Variants in ARHGAP21 observed in about 807,000 individuals in gnomAD.
ARHGAP21 encodes rho GTPase-activating protein 21.
ARHGAP21 carries 38 observed loss-of-function variants against 164.6 expected under a neutral mutation model. The ratio of observed to expected loss-of-function variants is 0.23; its 90% CI spans 0.18 to 0.30. The LOEUF is 0.30. ARHGAP21 is among the 10% of genes least tolerant of loss of function. The pLI, the probability that ARHGAP21 is intolerant of heterozygous loss-of-function variation, is 1.00. For missense variants in ARHGAP21, 1,822 were observed against 2,370.7 expected, an observed-to-expected ratio of 0.77 and a Z score of 4.81; for synonymous variants, 766 against 857.9, an observed-to-expected ratio of 0.89 and a Z score of 1.87.
chr10:24,695,047 T>G (rs1245957196), intron 2 of ARHGAP21, among the ~76,000 whole-genome samples: 1 of 31,932 alleles, frequency 3.1e-5, no homozygotes, highest in African/African-American at 1.3e-4. Flanking sequence ...CAAAATTCCA[T>G]CTCAAAAAAA....
chr10:24,591,404 T>TAA (rs1485825966), intron 23 of ARHGAP21, 74 bp from the exon 24 acceptor site: 1 of 1,350,902 alleles, frequency 7.4e-7, no homozygotes, highest in Non-Finnish European at 1.0e-6. Context: ...CAACATTTAG[T>TAA]AAAAGACACA....
intron 2 of ARHGAP21, among the ~76,000 whole-genome samples, chr10:24,691,008 T>C (rs1212924715): frequency 2.0e-5 from 3 of 152,014 alleles, no homozygotes; most frequent in Non-Finnish European, 4.4e-5. Flanking sequence ...AGCTCTCATA[T>C]AAAATTACAA....
rs1217500262 is a variant in ARHGAP21, at chr10:24,662,399, A to G, written c.268+4586T>C. 2.0e-5 allele frequency among the ~76,000 whole-genome samples: 3 copies of G among 152,360 alleles called. No individual in the cohort carries two copies. The East Asian group carries it at 5.8e-4, about 29-fold the overall frequency. ...AATCCAGTTACTACCACTTACTAGC[A>G]GTGTGACTGTGGGCAAGCTATTTCT... On this transcript the variant is annotated intron_variant, in intron 4 of 25. Transcript: ENST00000396432.
chr10:24,620,225 T>G lies in ARHGAP21; in HGVS notation c.1670A>C (p.Asn557Thr). 6.2e-7 allele frequency: 1 copy of G among 1,613,960 alleles called. No homozygotes were observed. The highest frequency in any genetic ancestry group is 1.1e-5 in the South Asian group (1 of 91,058). ...QEIHKSFRGS[N>T]FTVAPSVVNS... ...AACAACGCTTGGAGCCACAGTAAAA[T>G]TGGAACCTCGAAAAGATTTATGAAT... The change falls in exon 9 of 26, where the codon AAT (asparagine) becomes ACT (threonine). Residue 557 changes from asparagine to threonine, a missense_variant. Physicochemically the swap from Asn to Thr is moderately conservative, Grantham distance 65 (BLOSUM62 0). This residue lies in a region of ARHGAP21 where 1,090 missense variants were observed against 1,378.9 expected (regional missense o/e 0.79). Transcript: ENST00000396432.
intron 1 of ARHGAP21, among the ~76,000 whole-genome samples, chr10:24,722,992 G>A (rs1383078533): frequency 6.6e-6 from 1 of 151,928 alleles, no homozygotes; most frequent in East Asian, 1.9e-4. Flanking sequence ...TGGCCACCTA[G>A]GGGGAAAAAA....
At chr10:24,605,196 G>T (rs1473737964) in intron 11 of ARHGAP21, among the ~76,000 whole-genome samples, 1 of 152,168 alleles carries the variant, frequency 6.6e-6, no homozygotes, top group Non-Finnish European at 1.5e-5. Context: ...GATACGGGAA[G>T]AAAGAACAGG....
intron 17 of ARHGAP21, chr10:24,596,278 C>A: frequency 2.2e-6 from 1 of 444,840 alleles, no homozygotes. Flanking sequence ...AGATAACATT[C>A]TAAAAAGGAA....
chr10:24,684,305 A>G (rs940048878), intron 2 of ARHGAP21, among the ~76,000 whole-genome samples: 2 of 152,074 alleles, frequency 1.3e-5, no homozygotes, highest in African/African-American at 4.8e-5. Flanking sequence ...AAAAAAACCC[A>G]GCAAAAAAAC....
Position 24,590,442 on chromosome 10 carries a change from T to C in ARHGAP21, c.4150+783A>G, listed in dbSNP as rs908309064. 7 of 1,535,248 alleles carry C rather than the reference T, an allele frequency of 4.6e-6. No individual in the cohort carries two copies. The East Asian group carries it at 9.8e-5, about 21-fold the overall frequency. On this transcript the variant is annotated intron_variant, in intron 24 of 25. Coordinates refer to ENST00000396432, the MANE Select transcript of ARHGAP21 (RefSeq NM_020824.4). ...CCATCAGGGACATCACAGAATCCAC[T>C]AGTGACATTACCGTGTGATAGACTC...
At chr10:24,678,024 G>A (rs1349112041) in intron 2 of ARHGAP21, among the ~76,000 whole-genome samples, 1 of 151,992 alleles carries the variant, frequency 6.6e-6, no homozygotes, top group Non-Finnish European at 1.5e-5. Flanking sequence ...CACTTAGGGA[G>A]GCAGAGGTGG....
At chr10:24,630,634 G>C (rs1051914222) in intron 6 of ARHGAP21, among the ~76,000 whole-genome samples, 1 of 152,088 alleles carries the variant, frequency 6.6e-6, no homozygotes. Flanking sequence ...TGGGACTACA[G>C]GGCATGTGCC....
At chr10:24,622,851 T>C in intron 7 of ARHGAP21, 89 bp from the exon 8 acceptor site, 1 of 1,287,234 alleles carries the variant, frequency 7.8e-7, no homozygotes, top group South Asian at 1.3e-5. Flanking sequence ...AACGGCAAGC[T>C]AAAAATACAT....
chr10:24,655,043 G>T (rs1026202494), intron 4 of ARHGAP21, among the ~76,000 whole-genome samples: 1 of 152,162 alleles, frequency 6.6e-6, no homozygotes, highest in Non-Finnish European at 1.5e-5. Context: ...TTAATAAAAG[G>T]TGCTGGGAAA....
intron 2 of ARHGAP21, among the ~76,000 whole-genome samples, chr10:24,671,424 G>A (rs945477938): frequency 7.2e-5 from 11 of 151,956 alleles, no homozygotes; most frequent in African/African-American, 2.7e-4. Flanking sequence ...AGATGGTCCT[G>A]CTTTCTATTA....
intron 21 of ARHGAP21, 78 bp from the exon 22 acceptor site, chr10:24,592,090 T>A (rs1592934203): frequency 2.3e-6 from 3 of 1,307,782 alleles, no homozygotes; most frequent in Middle Eastern, 4.0e-4. Flanking sequence ...GTAGGATTTT[T>A]GATGAAAAAG....
At chr10:24,624,541 T>C (rs1394893211) in intron 7 of ARHGAP21, among the ~76,000 whole-genome samples, 1 of 151,928 alleles carries the variant, frequency 6.6e-6, no homozygotes, top group Non-Finnish European at 1.5e-5. Context: ...GGTTTCACTA[T>C]GTTCGCCAGG....
chr10:24,695,887 T>G (rs1213167686), intron 2 of ARHGAP21, among the ~76,000 whole-genome samples: 1 of 152,198 alleles, frequency 6.6e-6, no homozygotes, highest in Non-Finnish European at 1.5e-5. Flanking sequence ...TCAAGATGAC[T>G]GCGGTTCTGG....
At chr10:24,664,884 T>G (rs1214526202) in intron 4 of ARHGAP21, among the ~76,000 whole-genome samples, 1 of 152,206 alleles carries the variant, frequency 6.6e-6, no homozygotes, top group African/African-American at 2.4e-5. Context: ...TTCAAGTTTA[T>G]TCTCCCTAGC....
intron 4 of ARHGAP21, among the ~76,000 whole-genome samples, chr10:24,651,302 A>G (rs926245022): frequency 2.0e-4 from 31 of 152,296 alleles, no homozygotes; most frequent in African/African-American, 7.2e-4. Flanking sequence ...AGGCATTCTT[A>G]GATCTGTGCT....
Sources: gnomAD v4.1 joint callset for allele counts (sites outside exome capture counted in the v4.1 genomes callset) on GRCh38, gnomAD v4.1.1 for gene constraint, gnomAD v4.1.1 regional missense constraint, MANE v1.5 for transcripts, NCBI Gene and HGNC (gene_info 2026-07-23, HGNC 2026-07-21) for gene names.